The following ZFPL1 variants were observed in gnomAD, a reference collection of about 807,000 sequenced individuals.
The protein encoded by ZFPL1 is zinc finger protein like 1.
In ZFPL1, 28 loss-of-function variants were observed where a neutral mutation model predicts 32.0. The observed-to-expected ratio is 0.87, with a 90% CI of 0.65 to 1.20. ZFPL1 has a LOEUF of 1.20. Among genes scored for constraint, ZFPL1 ranks in the 50% most tolerant of loss-of-function variants. The pLI, the probability that ZFPL1 is intolerant of heterozygous loss-of-function variation, is 0.00. For missense variants in ZFPL1, 386 were observed against 424.8 expected (o/e 0.91, Z 0.80); for synonymous variants, 165 against 177.0 (o/e 0.93, Z 0.54).
chr11:65,084,433 G>T (rs1947649450), intron 1 of ZFPL1, 55 bp downstream of exon 1: 1 of 564,996 alleles, frequency 1.8e-6, no homozygotes, highest in Non-Finnish European at 3.1e-6. Flanking sequence ...GAGGTCTTGG[G>T]GGCGGGGCCG....
In ZFPL1 at chr11:65,088,136, C is replaced by T; in HGVS notation, c.*22C>T. On this transcript the variant is annotated 3_prime_UTR_variant, in exon 8 of 8. Coordinates refer to ENST00000294258, the MANE Select transcript of ZFPL1 (RefSeq NM_006782.4). Reference sequence around the variant, plus strand: ...CTGAGCCCCCTTGCTTGTGGCTAGGCCAGCCTAGGATGTGGGTTCTGTGGA... The same window carrying T: ...CTGAGCCCCCTTGCTTGTGGCTAGGTCAGCCTAGGATGTGGGTTCTGTGGA... 6.3e-7 allele frequency: 1 copy of T among 1,596,376 alleles called. No homozygotes were observed. Among genetic ancestry groups the T allele is most frequent in the Non-Finnish European group, 8.5e-7 (1 of 1,176,504 alleles).
chr11:65,086,136 G>T (rs1032262563), intron 3 of ZFPL1: 1 of 543,004 alleles, frequency 1.8e-6, no homozygotes, highest in East Asian at 3.2e-5. Context: ...ATGAGTGCAG[G>T]CCCAGAGAGG....
rs1304148738 is a variant in ZFPL1 at position 65,085,203 on chromosome 11, A to T, written c.191A>T (p.Glu64Val). Residue 64 changes from glutamate to valine, a missense_variant, in exon 3 of 8, where the codon GAG (glutamate) becomes GTG (valine). Physicochemically the swap from Glu to Val is moderately radical, Grantham distance 121 (BLOSUM62 -2). Coordinates refer to ENST00000294258, the MANE Select transcript of ZFPL1 (RefSeq NM_006782.4). ...RLCNIPLASR[E>V]TTRLVCYDLF... Reference sequence around the variant, plus strand: ...TGCAACATACCCCTGGCCAGCCGAGAGACGACCCGCCTTGTCTGCTATGGT... The same window carrying T: ...TGCAACATACCCCTGGCCAGCCGAGTGACGACCCGCCTTGTCTGCTATGGT... 1 of 1,613,936 alleles carries T rather than the reference A, an allele frequency of 6.2e-7. No individual in the cohort carries two copies. Among genetic ancestry groups the T allele is most frequent in the African/African-American group, 1.3e-5 (1 of 74,872 alleles).
chr11:65,086,088 G>A, intron 3 of ZFPL1: 1 of 407,982 alleles, frequency 2.5e-6, no homozygotes. Flanking sequence ...AACCTTTTCT[G>A]AAACTGTTCA....
intron 3 of ZFPL1, 29 bp from the exon 4 acceptor site, chr11:65,086,386 C>A: frequency 3.7e-6 from 6 of 1,613,808 alleles, no homozygotes; most frequent in Non-Finnish European, 5.1e-6. Flanking sequence ...TTCCTCATGT[C>A]TCTTCTCCCC....
rs1377408188 is a variant in ZFPL1 at position 65,088,069 on chromosome 11, C to T, written c.888C>T (p.Asn296=). 1 of 1,611,910 alleles carries T rather than the reference C, an allele frequency of 6.2e-7. No homozygotes were observed. Among genetic ancestry groups the T allele is most frequent in the Non-Finnish European group, 8.5e-7 (1 of 1,179,688 alleles). Residue 296 remains asparagine, a synonymous_variant, in exon 8 of 8, where the codon AAC becomes AAT. Transcript: ENST00000294258. ...LGRAAADSDP[N]LDPLMNPHIR... The stretch of plus-strand genomic sequence containing the variant: ...GGGCCGCAGCTGACAGCGATCCCAA[C>T]CTGGACCCACTCATGAACCCTCACA...
Position 65,084,695 on chromosome 11 carries a change from G to T in ZFPL1, c.-4G>T. 1 of 1,613,932 alleles carries T rather than the reference G, an allele frequency of 6.2e-7. No individual in the cohort carries two copies. The highest frequency in any genetic ancestry group is 1.1e-5 in the South Asian group (1 of 91,050). ...CAACTCATGCCCCTTTCCCAGGATC[G>T]ATCATGGGGCTTTGTAAGTGCCCCA... On this transcript the variant is annotated 5_prime_UTR_variant, in exon 2 of 8. Transcript: ENST00000294258.
rs1947689948 is a variant in ZFPL1 at position 65,087,329 on chromosome 11, G to A, written c.642G>A (p.Val214=). ...PEPLTHAPRK[V]YDTRDDDRTP... is the part of the protein sequence containing the mutation. ...TCCACCCTGTAGCCCCTAGGAAGGT[G>A]TATGATACGCGGGATGATGACCGGA... The change falls in exon 7 of 8, where the codon GTG becomes GTA. Residue 214 remains valine, a synonymous_variant. Coordinates refer to ENST00000294258, the MANE Select transcript of ZFPL1 (RefSeq NM_006782.4). 2.5e-6 allele frequency: 4 copies of A among 1,614,006 alleles called. No homozygotes were observed. The Admixed American group carries it at 5.0e-5, about 20-fold the overall frequency.
Position 65,088,192 on chromosome 11 carries a change from C to T in ZFPL1, c.*78C>T, listed in dbSNP as rs1443910254. 2.0e-6 allele frequency: 3 copies of T among 1,487,812 alleles called. No homozygotes were observed. The highest frequency in any genetic ancestry group is 1.8e-4 in the Middle Eastern group (1 of 5,630). The allele number at this position is 1,487,812 out of a possible 1,614,324, so 92.2% of individuals were successfully genotyped here. A position where few individuals can be genotyped will look rare whatever the true frequency, so the allele number is the denominator to read the frequency against. On this transcript the variant is annotated 3_prime_UTR_variant, in exon 8 of 8. Coordinates refer to ENST00000294258, the MANE Select transcript of ZFPL1 (RefSeq NM_006782.4). The stretch of plus-strand genomic sequence containing the variant: ...GGCGGGGTAATGGGGAGGCTGAGGG[C>T]ACCTCTTCACTGCCCCTCTCCCTCA...
rs534109824 is a variant in ZFPL1, at chr11:65,084,600, C to T, written c.-8-91C>T. The T allele has an allele frequency of 1.9e-5, 20 of 1,046,010 alleles. No individual in the cohort carries two copies. The South Asian group carries it at 2.3e-4, about 12-fold the overall frequency. 64.8% of individuals were successfully genotyped at this position (1,046,010 alleles called of 1,614,324 possible). On this transcript the variant is annotated intron_variant, in intron 1 of 7. Coordinates refer to ENST00000294258, the MANE Select transcript of ZFPL1 (RefSeq NM_006782.4). ...AGATCGGGGCGAATATGAGAGGTGT[C>T]TGGGGGAGTTAAGAGTGGAAACTGG...
intron 3 of ZFPL1, chr11:65,085,995 G>GCA: frequency 2.5e-5 from 5 of 197,488 alleles, no homozygotes; most frequent in South Asian, 2.4e-4. Context: ...TGCCACTTGT[G>GCA]TTTGATTATG....
At chr11:65,087,121 G>C (rs1189655917) in intron 6 of ZFPL1, 47 bp downstream of exon 6, 1 of 1,594,072 alleles carries the variant, frequency 6.3e-7, no homozygotes, top group Non-Finnish European at 8.6e-7. Context: ...GAAGAGGGTG[G>C]AATGGTTTGT....
chr11:65,088,182 A>C lies in ZFPL1; in HGVS notation c.*68A>C. ...GTGGAGGAGAGGCGGGGTAATGGGG[A>C]GGCTGAGGGCACCTCTTCACTGCCC... On this transcript the variant is annotated 3_prime_UTR_variant, in exon 8 of 8. Coordinates refer to ENST00000294258, the MANE Select transcript of ZFPL1 (RefSeq NM_006782.4). 5 of 1,537,794 alleles carry C rather than the reference A, an allele frequency of 3.3e-6. No homozygotes were observed. Among genetic ancestry groups the C allele is most frequent in the Non-Finnish European group, 4.4e-6 (5 of 1,139,694 alleles).
In ZFPL1 at chr11:65,086,417, C is replaced by A. The variant is rs762631313; in HGVS notation, c.217C>A (p.Leu73Ile). The change falls in exon 4 of 8, where the codon CTC becomes ATC. Residue 73 changes from leucine (L) to isoleucine (I), a missense_variant and splice_region_variant. Transcript: ENST00000294258. ...RETTRLVCYD[L>I]FHWACLNERA... ...TCCCCTGTCTCATGGGCCCTAAGAT[C>A]TCTTTCACTGGGCCTGCCTCAATGA... 6.2e-7 allele frequency: 1 copy of A among 1,613,992 alleles called. No homozygotes were observed. Among genetic ancestry groups the A allele is most frequent in the Admixed American group, 1.7e-5 (1 of 60,008 alleles).
At chr11:65,086,105 G>T in intron 3 of ZFPL1, 1 of 450,864 alleles carries the variant, frequency 2.2e-6, no homozygotes, top group East Asian at 4.5e-5. Flanking sequence ...TTCATTATTA[G>T]CCATTAGCCC....
rs1303126154 is a variant in ZFPL1, at chr11:65,085,210, C to T, written c.198C>T (p.Thr66=). 6.2e-7 allele frequency: 1 copy of T among 1,614,098 alleles called. No homozygotes were observed. Among genetic ancestry groups the T allele is most frequent in the Admixed American group, 1.7e-5 (1 of 60,012 alleles). Reference sequence around the variant, plus strand: ...TACCCCTGGCCAGCCGAGAGACGACCCGCCTTGTCTGCTATGGTGAGGCCT... The same window carrying T: ...TACCCCTGGCCAGCCGAGAGACGACTCGCCTTGTCTGCTATGGTGAGGCCT... The part of the protein sequence containing the change: ...CNIPLASRET[T]RLVCYDLFHW... Residue 66 remains threonine (T), a synonymous_variant, in exon 3 of 8, where the codon ACC becomes ACT. Transcript: ENST00000294258.
At position 65,086,757 on chromosome 11, in the gene ZFPL1, A is replaced by G. The variant is rs141258658; in HGVS notation, c.446A>G (p.Asn149Ser). The G allele has an allele frequency of 1.8e-4, 288 of 1,614,220 alleles. 1 individual carries two copies. In the African/African-American group the frequency reaches 3.3e-3, roughly 19 times the overall value. ...GTGAGCCCAGAGCCCGAGCCCCTCA[A>G]CACGTCTGACTTCTCTGACTGGTCT... ...EVVSPEPEPL[N>S]TSDFSDWSSF... Residue 149 changes from asparagine to serine, a missense_variant, in exon 5 of 8, where the codon AAC becomes AGC. Asn to Ser is a conservative substitution (Grantham distance 46). Transcript: ENST00000294258.
At position 65,087,912 on chromosome 11, in the gene ZFPL1, C is replaced by T. The variant is rs745861604; in HGVS notation, c.747-16C>T. The stretch of plus-strand genomic sequence containing the variant: ...AGGGACTGGGGCCTGACCTGATTTT[C>T]CCCTCATCCCCCCAGGAGCCGGGCT... On this transcript the variant is annotated splice_polypyrimidine_tract_variant and intron_variant, in intron 7 of 7. Transcript: ENST00000294258. The T allele has an allele frequency of 1.9e-6, 3 of 1,545,102 alleles. No individual in the cohort carries two copies. The highest frequency in any genetic ancestry group is 2.3e-5 in the East Asian group (1 of 43,620).
intron 4 of ZFPL1, 38 bp downstream of exon 4, chr11:65,086,646 TG>T: frequency 2.5e-6 from 4 of 1,613,984 alleles, no homozygotes; most frequent in Non-Finnish European, 3.4e-6. Flanking sequence ...CTATCTGCCC[TG>T]GGCCCCACCT....
Sources: gnomAD v4.1 joint callset for allele counts on GRCh38, gnomAD v4.1.1 for gene constraint, MANE v1.5 for transcripts, NCBI Gene and HGNC (gene_info 2026-07-23, HGNC 2026-07-21) for gene names.